The following ANO1 variants were observed in gnomAD, a reference collection of about 807,000 sequenced individuals.
The protein encoded by ANO1 is anoctamin-1.
In ANO1, 59 loss-of-function variants were observed where a neutral mutation model predicts 124.0. The ratio of observed to expected loss-of-function variants is 0.48; its 90% CI spans 0.39 to 0.59. The LOEUF (loss-of-function observed/expected upper bound fraction) is 0.59. ANO1 is among the 20% of genes least tolerant of loss of function. ANO1 has a pLI of 0.00. For synonymous variants in ANO1, 529 were observed against 532.0 expected, an observed-to-expected ratio of 0.99 and a Z score of 0.08; for missense variants, 1,059 against 1,328.0, an observed-to-expected ratio of 0.80 and a Z score of 3.15.
upstream of ANO1, among the ~76,000 whole-genome samples, chr11:69,982,238 A>G (rs1855965895): frequency 6.6e-6 from 1 of 152,204 alleles, no homozygotes; most frequent in Non-Finnish European, 1.5e-5. Flanking sequence ...TGTTGAGTAT[A>G]GCCACCAGGG....
chr11:69,974,156 T>C, the ANO1 span, among the ~76,000 whole-genome samples: 5 of 151,734 alleles, frequency 3.3e-5, no homozygotes, highest in Admixed American at 1.3e-4. Context: ...CCATCTCTAC[T>C]AAAAATACAA....
intron 25 of ANO1, among the ~76,000 whole-genome samples, chr11:70,187,072 G>GA (rs1301465422): frequency 3.3e-5 from 5 of 152,350 alleles, no homozygotes; most frequent in African/African-American, 1.2e-4. Flanking sequence ...GGAAGAGGGA[G>GA]ATGGGATGGG....
At chr11:70,035,483 T>C (rs922174179) in intron 1 of ANO1, among the ~76,000 whole-genome samples, 6 of 151,822 alleles carry the variant, frequency 4.0e-5, no homozygotes, top group Admixed American at 1.3e-4. Flanking sequence ...TCTTGCAAAT[T>C]CTCAACCATT....
intron 11 of ANO1, among the ~76,000 whole-genome samples, chr11:70,144,181 G>A (rs926431762): frequency 6.6e-6 from 1 of 151,900 alleles, no homozygotes; most frequent in African/African-American, 2.4e-5. Context: ...TTATACAAAC[G>A]GGGTGGTACA....
At chr11:70,158,847 G>GAA (rs2047929254) in intron 16 of ANO1, among the ~76,000 whole-genome samples, 2 of 9,302 alleles carry the variant, frequency 2.2e-4, no homozygotes, top group East Asian at 6.9e-3. Flanking sequence ...CCCCCTCGGT[G>GAA]GGGGCTGGGG....
intron 1 of ANO1, among the ~76,000 whole-genome samples, chr11:70,040,513 T>A (rs532168888): frequency 2.6e-5 from 4 of 152,252 alleles, no homozygotes; most frequent in African/African-American, 9.6e-5. Flanking sequence ...CCGTCACTAC[T>A]GAACACATAA....
At chr11:70,083,364 C>T (rs2044258980) in intron 1 of ANO1, among the ~76,000 whole-genome samples, 1 of 152,148 alleles carries the variant, frequency 6.6e-6, no homozygotes. Context: ...TGGGGTCACA[C>T]AGCTGGTGAG....
chr11:70,173,557 C>T (rs774457273), intron 22 of ANO1, among the ~76,000 whole-genome samples: 1 of 152,198 alleles, frequency 6.6e-6, no homozygotes, highest in Non-Finnish European at 1.5e-5. Flanking sequence ...CCACAGCCCT[C>T]CATGGCCAGA....
At chr11:69,989,930 G>A (rs550942375) in intron 1 of ANO1, among the ~76,000 whole-genome samples, 1 of 152,108 alleles carries the variant, frequency 6.6e-6, no homozygotes, top group Non-Finnish European at 1.5e-5. Context: ...GGTTTGGGTG[G>A]GGATAAGTGA....
At chr11:70,095,328 AG>A in intron 2 of ANO1, among the ~76,000 whole-genome samples, 1 of 124,488 alleles carries the variant, frequency 8.0e-6, no homozygotes, top group Non-Finnish European at 1.7e-5. Context: ...AAGGAAAGAA[AG>A]AAAGGAAAGA....
Position 70,038,263 on chromosome 11 carries a change from G to A in ANO1, c.59-40279G>A, listed in dbSNP as rs564299510. 7.2e-5 allele frequency among the ~76,000 whole-genome samples: 11 copies of A among 152,304 alleles called. 1 individual carries two copies. The highest frequency in any genetic ancestry group is 7.2e-4 in the Admixed American group (11 of 15,298). ...TTGGAAACCCTCCTGACCCTCTCATGACTAGCTTCCTCTTTTCTTTGTTCT... is the reference window on the plus strand; with the variant it reads ...TTGGAAACCCTCCTGACCCTCTCATAACTAGCTTCCTCTTTTCTTTGTTCT... On this transcript the variant is annotated intron_variant, in intron 1 of 27. Coordinates refer to the ANO1 transcript ENST00000531349.
intron 2 of ANO1, among the ~76,000 whole-genome samples, chr11:70,100,217 C>A (rs1029692725): frequency 2.6e-5 from 4 of 152,206 alleles, no homozygotes; most frequent in Non-Finnish European, 5.9e-5. Context: ...GGACCGCAAC[C>A]TGCAGCTTCA....
At chr11:70,064,758 T>C (rs1283041385) in intron 1 of ANO1, 1 of 152,216 alleles carries the variant, frequency 6.6e-6, no homozygotes, top group Admixed American at 6.5e-5. Context: ...GAGAAGAAAG[T>C]CATTTATACT....
chr11:70,172,095 G>A (rs772729805), intron 22 of ANO1, among the ~76,000 whole-genome samples: 1 of 147,820 alleles, frequency 6.8e-6, no homozygotes, highest in African/African-American at 2.5e-5. Flanking sequence ...ACTCCAGCCT[G>A]GGCAACAGAG....
intron 11 of ANO1, among the ~76,000 whole-genome samples, chr11:70,133,253 C>T (rs918097707): frequency 3.9e-5 from 6 of 152,170 alleles, no homozygotes; most frequent in African/African-American, 7.2e-5. Flanking sequence ...GGCCCTTACC[C>T]GCCAGCGTGC....
intron 11 of ANO1, among the ~76,000 whole-genome samples, chr11:70,140,251 C>T (rs749035626): frequency 9.2e-5 from 14 of 152,058 alleles, no homozygotes; most frequent in Admixed American, 2.6e-4. Flanking sequence ...AAGGAGTGGC[C>T]GGGCTCAGTG....
At chr11:70,148,668 C>T (rs986375923) in intron 11 of ANO1, among the ~76,000 whole-genome samples, 1 of 152,168 alleles carries the variant, frequency 6.6e-6, no homozygotes, top group African/African-American at 2.4e-5. Flanking sequence ...CAGGGAGAAG[C>T]GTTCAGGATA....
intron 1 of ANO1, chr11:70,085,420 A>G: frequency 6.5e-7 from 1 of 1,527,334 alleles, no homozygotes; most frequent in South Asian, 1.2e-5. Flanking sequence ...GGGCACGCAC[A>G]CTGAGTCCAG....
intron 1 of ANO1, among the ~76,000 whole-genome samples, chr11:70,078,937 C>T (rs2044117689): frequency 6.6e-6 from 1 of 151,866 alleles, no homozygotes; most frequent in Admixed American, 6.5e-5. Flanking sequence ...CCGAGCGCGG[C>T]GCCCACTCCG....
Sources: gnomAD v4.1 joint callset for allele counts (sites outside exome capture counted in the v4.1 genomes callset) on GRCh38, gnomAD v4.1.1 for gene constraint, MANE v1.5 for transcripts, NCBI Gene and HGNC (gene_info 2026-07-23, HGNC 2026-07-21) for gene names.